The following RBFOX1 variants were observed in gnomAD, a reference collection of about 807,000 sequenced individuals.
The protein encoded by RBFOX1 is RNA binding fox-1 homolog 1.
RBFOX1 carries 8 observed loss-of-function variants against 57.7 expected under a neutral mutation model. The observed-to-expected ratio is 0.14, with a 90% CI of 0.08 to 0.25. The LOEUF is 0.25. Ranked by LOEUF, RBFOX1 falls within the 10% of genes least tolerant of loss-of-function variation. RBFOX1 has a pLI of 1.00. For missense variants in RBFOX1, 611 were observed against 548.5 expected (o/e 1.11, Z -1.14); for synonymous variants, 326 against 222.4 (o/e 1.47, Z -4.15).
chr16:6,117,037 T>G (rs953294334), intron 1 of RBFOX1, among the ~76,000 whole-genome samples: 2 of 152,092 alleles, frequency 1.3e-5, no homozygotes, highest in East Asian at 3.9e-4. Flanking sequence ...TGTCCAAGAT[T>G]TAAAATTCCT....
intron 4 of RBFOX1, among the ~76,000 whole-genome samples, chr16:7,189,879 C>A (rs73546563): frequency 6.6e-6 from 1 of 152,186 alleles, no homozygotes; most frequent in Non-Finnish European, 1.5e-5. Flanking sequence ...GCAATAGGCC[C>A]AACTCACATC....
chr16:6,796,968 G>A (rs930709662), intron 3 of RBFOX1, among the ~76,000 whole-genome samples: 1 of 152,230 alleles, frequency 6.6e-6, no homozygotes. Flanking sequence ...AGGAAACAGG[G>A]CATTCCTTAG....
At chr16:6,847,909 C>G (rs1299192334) in intron 3 of RBFOX1, among the ~76,000 whole-genome samples, 1 of 152,028 alleles carries the variant, frequency 6.6e-6, no homozygotes, top group Non-Finnish European at 1.5e-5. Context: ...ACAATCTTGG[C>G]TCACTGCAAC....
intron 1 of RBFOX1, among the ~76,000 whole-genome samples, chr16:6,104,501 C>T (rs894194232): frequency 6.6e-6 from 1 of 152,116 alleles, no homozygotes; most frequent in Non-Finnish European, 1.5e-5. Context: ...AGAAAATTTA[C>T]AGTCTAATTT....
rs200069922 is a variant in RBFOX1, at chr16:6,741,609, C to T, written c.-16+86959C>T. ...GCTTGAACTGCGGAGGTGGAGGTTG[C>T]GGTGAGCCGAGATCATGCCACTGCA... is the stretch of plus-strand genomic sequence containing the variant. On this transcript the variant is annotated intron_variant, in intron 3 of 15. Coordinates refer to ENST00000550418, the MANE Select transcript of RBFOX1 (RefSeq NM_018723.4). 2.1e-4 allele frequency among the ~76,000 whole-genome samples: 32 copies of T among 150,214 alleles called. 1 individual carries two copies. In the East Asian group the frequency reaches 4.9e-3, roughly 23 times the overall value.
intron 1 of RBFOX1, among the ~76,000 whole-genome samples, chr16:6,251,005 A>C (rs1017331059): frequency 6.6e-6 from 1 of 152,018 alleles, no homozygotes; most frequent in East Asian, 1.9e-4. Context: ...GGGGAGTGTG[A>C]GATGGTCAGA....
chr16:5,906,460 C>G (rs1027610723), intron 4 of RBFOX1, among the ~76,000 whole-genome samples: 2 of 152,190 alleles, frequency 1.3e-5, no homozygotes, highest in East Asian at 1.9e-4. Context: ...TCACAGTCCT[C>G]AGAAGGAACC....
chr16:5,899,846 G>C (rs1472994639), intron 4 of RBFOX1, among the ~76,000 whole-genome samples: 2 of 152,328 alleles, frequency 1.3e-5, no homozygotes, highest in South Asian at 2.1e-4. Flanking sequence ...GACTGAGGCA[G>C]GTGGATCACG....
At chr16:7,404,028 C>CTTTTATTTTATTTTATGTTA (rs2098291421) in intron 4 of RBFOX1, among the ~76,000 whole-genome samples, 1 of 129,964 alleles carries the variant, frequency 7.7e-6, no homozygotes, top group Non-Finnish European at 1.6e-5. Flanking sequence ...ATTTCATTTC[C>CTTTTATTTTATTTTATGTTA]TTTTATTTTA....
At chr16:5,548,284 C>G (rs1009074182) in intron 2 of RBFOX1, among the ~76,000 whole-genome samples, 1 of 148,954 alleles carries the variant, frequency 6.7e-6, no homozygotes, top group African/African-American at 2.5e-5. Context: ...ACTATGCTCA[C>G]TGCCTGGGTG....
intron 2 of RBFOX1, among the ~76,000 whole-genome samples, chr16:6,431,139 A>G (rs2094070426): frequency 6.6e-6 from 1 of 151,968 alleles, no homozygotes; most frequent in Non-Finnish European, 1.5e-5. Flanking sequence ...TCCTATCTCA[A>G]AAAATAAAAT....
At chr16:6,015,772 C>T (rs2094989972), upstream of RBFOX1, among the ~76,000 whole-genome samples, 1 of 152,204 alleles carries the variant, frequency 6.6e-6, no homozygotes, top group South Asian at 2.1e-4. Flanking sequence ...TTTGCCTGAC[C>T]TTCTGCCCTT....
At chr16:5,597,263 C>T (rs575172467) in intron 2 of RBFOX1, among the ~76,000 whole-genome samples, 15 of 142,682 alleles carry the variant, frequency 1.1e-4, no homozygotes, top group African/African-American at 4.0e-4. Flanking sequence ...CTCTGCACCT[C>T]TCTGTCCTTC....
At chr16:6,095,118 C>G (rs977576891) in intron 1 of RBFOX1, among the ~76,000 whole-genome samples, 5 of 152,138 alleles carry the variant, frequency 3.3e-5, no homozygotes, top group African/African-American at 1.2e-4. Flanking sequence ...TCCTTAGCAC[C>G]TAATAAGTAT....
intron 4 of RBFOX1, among the ~76,000 whole-genome samples, chr16:7,106,578 T>C (rs2063622198): frequency 6.6e-6 from 1 of 152,164 alleles, no homozygotes; most frequent in African/African-American, 2.4e-5. Context: ...GGGACTTCTT[T>C]TTAATCTTTT....
At chr16:6,478,412 TATATATATA>T (rs2095311587) in intron 2 of RBFOX1, among the ~76,000 whole-genome samples, 12 of 24,064 alleles carry the variant, frequency 5.0e-4, no homozygotes, top group Admixed American at 6.0e-4. Flanking sequence ...TATATATATA[TATATATATA>T]TATATATATT....
chr16:6,323,008 G>A (rs1362870471), intron 2 of RBFOX1, among the ~76,000 whole-genome samples: 1 of 152,142 alleles, frequency 6.6e-6, no homozygotes, highest in Non-Finnish European at 1.5e-5. Context: ...CTCCTAAGCT[G>A]CTGCATAGCA....
chr16:6,761,489 C>T (rs73528819), intron 3 of RBFOX1, among the ~76,000 whole-genome samples: 1 of 135,064 alleles, frequency 7.4e-6, no homozygotes, highest in Non-Finnish European at 1.6e-5. Flanking sequence ...GTTTTCCTTT[C>T]TCCCAATCTC....
intron 1 of RBFOX1, among the ~76,000 whole-genome samples, chr16:6,138,284 G>C (rs1354787510): frequency 6.6e-6 from 1 of 152,198 alleles, no homozygotes; most frequent in South Asian, 2.1e-4. Context: ...TTGAACAAGG[G>C]GGCCCCATGT....
Sources: gnomAD v4.1 joint callset for allele counts (sites outside exome capture counted in the v4.1 genomes callset) on GRCh38, gnomAD v4.1.1 for gene constraint, MANE v1.5 for transcripts, NCBI Gene and HGNC (gene_info 2026-07-23, HGNC 2026-07-21) for gene names.